The following PLCB1 variants were observed in gnomAD, a reference collection of about 807,000 sequenced individuals.
The protein encoded by PLCB1 is phospholipase C beta 1, also known as 1-phosphatidylinositol 4,5-bisphosphate phosphodiesterase beta-1.
A neutral mutation model predicts 161.8 loss-of-function variants in PLCB1; 46 were observed. That is an observed-to-expected ratio of 0.28 (90% CI 0.22 to 0.36). The LOEUF is 0.36. Among genes scored for constraint, PLCB1 ranks in the 10% least tolerant of loss-of-function variants. The pLI is 1.00. For synonymous variants in PLCB1, 517 were observed against 503.7 expected, an observed-to-expected ratio of 1.03 and a Z score of -0.35; for missense variants, 1,016 against 1,472.5, an observed-to-expected ratio of 0.69 and a Z score of 5.07.
chr20:8,253,010 T>G (rs1981232124), intron 2 of PLCB1, among the ~76,000 whole-genome samples: 1 of 152,016 alleles, frequency 6.6e-6, no homozygotes, highest in African/African-American at 2.4e-5. Flanking sequence ...CTCTGAAGTA[T>G]TCCAGTTTGG....
At chr20:8,182,500 C>G (rs181779928) in intron 2 of PLCB1, among the ~76,000 whole-genome samples, 86 of 152,152 alleles carry the variant, frequency 5.7e-4, no homozygotes, top group Non-Finnish European at 9.1e-4. Flanking sequence ...GATGAAAGAT[C>G]ATGTGGAAAA....
intron 2 of PLCB1, among the ~76,000 whole-genome samples, chr20:8,340,324 C>T (rs1027229336): frequency 1.3e-5 from 2 of 152,196 alleles, no homozygotes; most frequent in African/African-American, 4.8e-5. Flanking sequence ...TCATATTTTC[C>T]AGGATGAGGA....
At chr20:8,468,090 A>G (rs1981896607) in intron 3 of PLCB1, among the ~76,000 whole-genome samples, 1 of 152,180 alleles carries the variant, frequency 6.6e-6, no homozygotes, top group South Asian at 2.1e-4. Context: ...TGTTCTGTTT[A>G]TAGGAAATTC....
chr20:8,681,007 C>A (rs1990194564), intron 9 of PLCB1, among the ~76,000 whole-genome samples: 1 of 147,292 alleles, frequency 6.8e-6, no homozygotes, highest in Admixed American at 6.8e-5. Flanking sequence ...TACATACATA[C>A]AAACACATAC....
At chr20:8,612,374 A>T (rs974894269) in intron 3 of PLCB1, among the ~76,000 whole-genome samples, 1 of 152,182 alleles carries the variant, frequency 6.6e-6, no homozygotes, top group East Asian at 1.9e-4. Flanking sequence ...TCCACAAGTC[A>T]GCTTTGAAGA....
At chr20:8,213,692 GGT>G (rs377240868) in intron 2 of PLCB1, among the ~76,000 whole-genome samples, 128 of 151,210 alleles carry the variant, frequency 8.5e-4, no homozygotes, top group Middle Eastern at 3.4e-3. Context: ...TGGTGGTGGT[GGT>G]GTGTGTGTGT....
chr20:8,638,252 G>A (rs556901672), intron 4 of PLCB1, among the ~76,000 whole-genome samples: 39 of 152,254 alleles, frequency 2.6e-4, no homozygotes, highest in African/African-American at 9.4e-4. Flanking sequence ...AAAAGGAATG[G>A]CAGGTAAATG....
chr20:8,602,385 C>G (rs1198315251), intron 3 of PLCB1, among the ~76,000 whole-genome samples: 1 of 152,098 alleles, frequency 6.6e-6, no homozygotes, highest in Non-Finnish European at 1.5e-5. Context: ...CCAGGGATAT[C>G]ATCACTTCTG....
intron 21 of PLCB1, among the ~76,000 whole-genome samples, chr20:8,739,748 A>G (rs1015755221): frequency 1.3e-5 from 2 of 152,170 alleles, no homozygotes; most frequent in Admixed American, 6.5e-5. Context: ...AGTTGCTTCT[A>G]CAATATGGAC....
At chr20:8,508,051 T>G (rs1983713340) in intron 3 of PLCB1, among the ~76,000 whole-genome samples, 1 of 151,984 alleles carries the variant, frequency 6.6e-6, no homozygotes, top group Non-Finnish European at 1.5e-5. Flanking sequence ...AACACAGGGA[T>G]TTTATGACTT....
At chr20:8,714,585 A>C in intron 12 of PLCB1, among the ~76,000 whole-genome samples, 1 of 152,166 alleles carries the variant, frequency 6.6e-6, no homozygotes, top group East Asian at 1.9e-4. Context: ...TTCAGGATCA[A>C]TTCTCTGATT....
At chr20:8,743,978 A>G (rs890351306) in intron 23 of PLCB1, among the ~76,000 whole-genome samples, 1 of 152,186 alleles carries the variant, frequency 6.6e-6, no homozygotes, top group Non-Finnish European at 1.5e-5. Context: ...TTAATAAACT[A>G]TAATTAAAGG....
chr20:8,596,081 G>C (rs1330673522), intron 3 of PLCB1, among the ~76,000 whole-genome samples: 1 of 151,666 alleles, frequency 6.6e-6, no homozygotes, highest in African/African-American at 2.4e-5. Flanking sequence ...AGTTTCTTTT[G>C]CTGTGCAGAA....
At chr20:8,453,877 A>G (rs539030296) in intron 3 of PLCB1, among the ~76,000 whole-genome samples, 5 of 152,178 alleles carry the variant, frequency 3.3e-5, no homozygotes, top group Non-Finnish European at 7.3e-5. Context: ...GTGTAACTGT[A>G]TTTGAAAATA....
intron 3 of PLCB1, among the ~76,000 whole-genome samples, chr20:8,427,880 T>A (rs1979854216): frequency 6.6e-6 from 1 of 152,222 alleles, no homozygotes; most frequent in Admixed American, 6.5e-5. Flanking sequence ...AGTTGTTATC[T>A]GTACAGCAGT....
At chr20:8,591,872 C>T (rs1317536501) in intron 3 of PLCB1, among the ~76,000 whole-genome samples, 24 of 152,080 alleles carry the variant, frequency 1.6e-4, no homozygotes, top group Admixed American at 1.5e-3. Flanking sequence ...TAACAATAAC[C>T]GGTACAGCTT....
At chr20:8,717,602 G>T in intron 13 of PLCB1, 69 bp from the exon 14 acceptor site, 1 of 1,212,988 alleles carries the variant, frequency 8.2e-7, no homozygotes, top group South Asian at 1.5e-5. Context: ...CAGCTGATCT[G>T]GGGGTCTGGG....
intron 2 of PLCB1, among the ~76,000 whole-genome samples, chr20:8,178,900 C>T (rs1368845330): frequency 2.0e-5 from 3 of 152,182 alleles, no homozygotes; most frequent in Non-Finnish European, 4.4e-5. Flanking sequence ...AATCCATTCC[C>T]CATTGCTTGT....
intron 10 of PLCB1, among the ~76,000 whole-genome samples, chr20:8,689,128 G>T (rs1198362969): frequency 1.3e-5 from 2 of 149,270 alleles, no homozygotes; most frequent in Admixed American, 6.7e-5. Context: ...TTGAGTTCTT[G>T]ATTTGATTAT....
Sources: gnomAD v4.1 joint callset for allele counts (sites outside exome capture counted in the v4.1 genomes callset) on GRCh38, gnomAD v4.1.1 for gene constraint, MANE v1.5 for transcripts, NCBI Gene and HGNC (gene_info 2026-07-23, HGNC 2026-07-21) for gene names.